Variants in AGBL4 observed in about 807,000 individuals in gnomAD.
The protein encoded by AGBL4 is cytosolic carboxypeptidase 6.
In AGBL4, 58 loss-of-function variants were observed where a neutral mutation model predicts 66.4. That is an observed-to-expected ratio of 0.87 (90% CI 0.71 to 1.09). The LOEUF is 1.09. AGBL4 is among the 50% of genes least tolerant of loss of function. The probability of loss-of-function intolerance (pLI) is 0.00; values close to 1 mark genes in which losing one functional copy is unlikely to be tolerated. For missense variants in AGBL4, 579 were observed against 631.0 expected (o/e 0.92, Z 0.88); for synonymous variants, 234 against 222.9 (o/e 1.05, Z -0.44).
At position 48,756,984 on chromosome 1, in the gene AGBL4, C is replaced by T. The variant is rs143410519; in HGVS notation, c.635-93743G>A. Among the ~76,000 whole-genome samples the T allele has an allele frequency of 1.0e-3, 153 of 152,286 alleles. 2 individuals carry two copies. In the South Asian group the frequency reaches 0.025, roughly 25 times the overall value. On this transcript the variant is annotated intron_variant, in intron 6 of 13. Transcript: ENST00000371839. The stretch of plus-strand genomic sequence containing the variant: ...GAAAGATCAAGACACTGAAACTATG[C>T]TTCAGGTCAAGTTTTTCTACATGTT...
At chr1:49,858,630 G>A (rs1176581425) in intron 1 of AGBL4, among the ~76,000 whole-genome samples, 4 of 152,000 alleles carry the variant, frequency 2.6e-5, no homozygotes, top group Non-Finnish European at 5.9e-5. Flanking sequence ...ACTAAAACTA[G>A]GACTAAAGAC....
intron 3 of AGBL4, among the ~76,000 whole-genome samples, chr1:49,269,440 C>A (rs1484791965): frequency 6.6e-6 from 1 of 152,144 alleles, no homozygotes; most frequent in East Asian, 1.9e-4. Context: ...TGTGGGAAAT[C>A]TGTGTCTGCA....
intron 2 of AGBL4, among the ~76,000 whole-genome samples, chr1:49,833,724 G>T (rs1162360005): frequency 1.3e-5 from 2 of 152,130 alleles, no homozygotes; most frequent in Admixed American, 6.5e-5. Flanking sequence ...TTGTAAGTTG[G>T]ATTCCTAGGT....
chr1:48,641,320 G>C (rs571009754), intron 8 of AGBL4, among the ~76,000 whole-genome samples: 1 of 152,272 alleles, frequency 6.6e-6, no homozygotes, highest in Admixed American at 6.5e-5. Flanking sequence ...CTCTGCTGTT[G>C]TGTAGATGGA....
At chr1:49,042,521 G>T (rs1481835670) in intron 5 of AGBL4, among the ~76,000 whole-genome samples, 2 of 152,114 alleles carry the variant, frequency 1.3e-5, no homozygotes, top group African/African-American at 2.4e-5. Flanking sequence ...ATGAGTTCTA[G>T]TAAATGACAG....
At chr1:49,821,105 G>A (rs965886640) in intron 2 of AGBL4, among the ~76,000 whole-genome samples, 6 of 152,104 alleles carry the variant, frequency 3.9e-5, no homozygotes, top group Non-Finnish European at 8.8e-5. Flanking sequence ...AGCACATGGG[G>A]AGTTCCCCTA....
chr1:49,013,994 A>G (rs1023696675), intron 5 of AGBL4, among the ~76,000 whole-genome samples: 3 of 152,154 alleles, frequency 2.0e-5, no homozygotes, highest in African/African-American at 4.8e-5. Flanking sequence ...CATTTATAAT[A>G]TAAGGACAAT....
chr1:49,648,902 A>AAG (rs1191719043), intron 3 of AGBL4, among the ~76,000 whole-genome samples: 4 of 152,248 alleles, frequency 2.6e-5, no homozygotes, highest in Admixed American at 2.6e-4. Flanking sequence ...TCAGAACATA[A>AAG]AGAGCATCAG....
chr1:49,107,845 T>C (rs1195732842), intron 4 of AGBL4, among the ~76,000 whole-genome samples: 1 of 152,062 alleles, frequency 6.6e-6, no homozygotes, highest in Non-Finnish European at 1.5e-5. Context: ...TACAGGGAGC[T>C]ATGAGCCAAT....
intron 9 of AGBL4, among the ~76,000 whole-genome samples, chr1:48,612,295 C>T (rs1645250794): frequency 6.6e-6 from 1 of 152,202 alleles, no homozygotes; most frequent in Admixed American, 6.5e-5. Flanking sequence ...AGTTTACACC[C>T]TTGGTGAGGA....
At chr1:48,870,211 A>G (rs543582638) in intron 5 of AGBL4, among the ~76,000 whole-genome samples, 19 of 152,108 alleles carry the variant, frequency 1.2e-4, no homozygotes, top group African/African-American at 4.6e-4. Flanking sequence ...TGCAAAGCCT[A>G]TCTCACTAGG....
chr1:49,086,142 G>A (rs916608312), intron 4 of AGBL4, among the ~76,000 whole-genome samples: 3 of 152,202 alleles, frequency 2.0e-5, no homozygotes, highest in African/African-American at 7.2e-5. Flanking sequence ...GTAGCCAGGT[G>A]GCGATAGGCA....
At chr1:49,487,314 C>G (rs1315671063) in intron 3 of AGBL4, among the ~76,000 whole-genome samples, 1 of 151,928 alleles carries the variant, frequency 6.6e-6, no homozygotes, top group Non-Finnish European at 1.5e-5. Context: ...CTTATTTTAT[C>G]CTCATGACAA....
intron 3 of AGBL4, among the ~76,000 whole-genome samples, chr1:49,671,460 C>T (rs184874478): frequency 1.3e-5 from 2 of 152,194 alleles, no homozygotes; most frequent in African/African-American, 2.4e-5. Flanking sequence ...AAAGCGATAA[C>T]AACAAAAGCA....
chr1:48,976,805 A>G (rs889467430), intron 5 of AGBL4, among the ~76,000 whole-genome samples: 24 of 152,044 alleles, frequency 1.6e-4, no homozygotes, highest in Non-Finnish European at 3.2e-4. Flanking sequence ...CTTAACTCCA[A>G]TATCCCCTAC....
At chr1:48,726,958 T>C (rs1647314296) in intron 6 of AGBL4, among the ~76,000 whole-genome samples, 1 of 152,242 alleles carries the variant, frequency 6.6e-6, no homozygotes, top group African/African-American at 2.4e-5. Flanking sequence ...TCTAGACGCA[T>C]CGGCCCAAAG....
intron 3 of AGBL4, among the ~76,000 whole-genome samples, chr1:49,618,814 A>G (rs1432256701): frequency 3.3e-5 from 5 of 152,216 alleles, no homozygotes; most frequent in Non-Finnish European, 5.9e-5. Context: ...GGCTGGTTCA[A>G]CGTATGCAAA....
chr1:49,645,440 T>C (rs1034649372), intron 3 of AGBL4, among the ~76,000 whole-genome samples: 3 of 151,428 alleles, frequency 2.0e-5, no homozygotes, highest in African/African-American at 7.2e-5. Context: ...AATTTTAAAA[T>C]TTTTAGGAAA....
At chr1:48,546,864 A>AACACACACACACACACACACACAC (rs58136623) in intron 11 of AGBL4, among the ~76,000 whole-genome samples, 2 of 128,298 alleles carry the variant, frequency 1.6e-5, no homozygotes, top group African/African-American at 5.8e-5. Context: ...AAAACAAACA[A>AACACACACACACACACACACACAC]ACACACACAC....
Sources: allele counts gnomAD v4.1 joint callset (sites outside exome capture counted in the v4.1 genomes callset), GRCh38; gene constraint gnomAD v4.1.1; transcripts MANE v1.5; gene names NCBI Gene and HGNC (gene_info 2026-07-23, HGNC 2026-07-21).